FCRL6: variants seen among roughly 807,000 people sequenced by gnomAD.
FCRL6 encodes Fc receptor like 6.
In FCRL6, 50 loss-of-function variants were observed where a neutral mutation model predicts 49.1. The ratio of observed to expected loss-of-function variants is 1.02; its 90% CI spans 0.81 to 1.29. The LOEUF (loss-of-function observed/expected upper bound fraction) is 1.29. Ranked by LOEUF, FCRL6 falls within the 50% of genes most tolerant of loss-of-function variation. The pLI is 0.00. For synonymous variants in FCRL6, 213 were observed against 199.6 expected (o/e 1.07, Z -0.57); for missense variants, 571 against 518.5 (o/e 1.10, Z -0.98).
At chr1:159,808,138 A>T in intron 2 of FCRL6, 40 bp from the exon 3 acceptor site, 1 of 1,577,598 alleles carries the variant, frequency 6.3e-7, no homozygotes, top group Non-Finnish European at 8.6e-7. Flanking sequence ...GACTGATGGG[A>T]CCTGTAGCTC....
chr1:159,815,727 G>T lies in FCRL6; in HGVS notation c.*66G>T. 6.3e-7 allele frequency: 1 copy of T among 1,591,262 alleles called. No individual in the cohort carries two copies. Among genetic ancestry groups the T allele is most frequent in the Non-Finnish European group, 8.6e-7 (1 of 1,166,496 alleles). On this transcript the variant is annotated 3_prime_UTR_variant, in exon 10 of 10. Transcript: ENST00000368106. ...CCAGTGCTCCTCAGGAAGACAGTGG[G>T]GTCCTCAACTCTTTCTGTGGGTCCT...
rs556660998 is a variant in FCRL6, at chr1:159,815,682, C to T, written c.*21C>T. Reference sequence around the variant, plus strand: ...GCTAGTGATGGTGTTCTCCTATCAACACACGCCCACCCCCAGTCTCCAGTG... The same window carrying T: ...GCTAGTGATGGTGTTCTCCTATCAATACACGCCCACCCCCAGTCTCCAGTG... On this transcript the variant is annotated 3_prime_UTR_variant, in exon 10 of 10. Transcript: ENST00000368106. 77 of 1,613,472 alleles carry T rather than the reference C, an allele frequency of 4.8e-5. 1 individual carries two copies. The South Asian group carries it at 8.3e-4, about 17-fold the overall frequency.
At chr1:159,814,518 C>G (rs1209905513) in intron 8 of FCRL6, among the ~76,000 whole-genome samples, 2 of 152,168 alleles carry the variant, frequency 1.3e-5, no homozygotes, top group Non-Finnish European at 2.9e-5. Flanking sequence ...CACCACCTAT[C>G]TCCTCCACTA....
chr1:159,807,129 G>C (rs935553650), intron 2 of FCRL6, among the ~76,000 whole-genome samples: 2 of 152,234 alleles, frequency 1.3e-5, no homozygotes, highest in African/African-American at 4.8e-5. Context: ...CATATTCTGT[G>C]ATTCCAGGGG....
intron 7 of FCRL6, 39 bp downstream of exon 7, chr1:159,813,593 G>C: frequency 6.4e-7 from 1 of 1,560,854 alleles, no homozygotes; most frequent in South Asian, 1.1e-5. Flanking sequence ...GCCCATGTGG[G>C]CCAAAAAGAG....
Position 159,810,086 on chromosome 1 carries a change from G to C in FCRL6, c.887-8G>C. 2 of 1,608,846 alleles carry C rather than the reference G, an allele frequency of 1.2e-6. No homozygotes were observed. Among genetic ancestry groups the C allele is most frequent in the Non-Finnish European group, 8.5e-7 (1 of 1,178,212 alleles). On this transcript the variant is annotated splice_polypyrimidine_tract_variant and splice_region_variant and intron_variant, in intron 5 of 9. Coordinates refer to ENST00000368106, the MANE Select transcript of FCRL6 (RefSeq NM_001004310.3). ...TGCTCATGGCCACCTTCTTCTCCCT[G>C]CTCCCAGGTTCTCAAGTCTTGTTCA...
intron 4 of FCRL6, 25 bp downstream of exon 4, chr1:159,809,270 GC>G (rs1200374591): frequency 2.6e-5 from 39 of 1,528,204 alleles, no homozygotes; most frequent in Non-Finnish European, 3.3e-5. Flanking sequence ...GAGTGGAGAT[GC>G]CCCCAGGGCC....
Position 159,813,508 on chromosome 1 carries a change from A to ACCAC in FCRL6, c.1034_1037dup (p.Ala347HisfsTer22). 6.2e-7 allele frequency: 1 copy of ACCAC among 1,614,052 alleles called. No homozygotes were observed. The highest frequency in any genetic ancestry group is 1.3e-5 in the African/African-American group (1 of 75,030). On this transcript the variant is annotated frameshift_variant, in exon 7 of 10. Coordinates refer to ENST00000368106, the MANE Select transcript of FCRL6 (RefSeq NM_001004310.3). LOFTEE classifies it high-confidence loss of function. The stretch of plus-strand genomic sequence containing the variant: ...TCCTAGGGCCCCTTCCATCCCAGAT[A>ACCAC]CCACCCACAGCTCCAGGTGGAGAGC...
intron 2 of FCRL6, among the ~76,000 whole-genome samples, chr1:159,807,096 T>C (rs1212705136): frequency 6.6e-6 from 1 of 152,220 alleles, no homozygotes. Flanking sequence ...AATTCTGATC[T>C]ATGAAATCTT....
chr1:159,806,493 T>C (rs1052772084), intron 1 of FCRL6, 103 bp from the exon 2 acceptor site: 3 of 1,009,582 alleles, frequency 3.0e-6, no homozygotes, highest in Admixed American at 3.4e-5. Flanking sequence ...GGCCGGGTGG[T>C]TGGTTGAATG....
At chr1:159,809,351 G>A (rs374568406) in intron 4 of FCRL6, 51 bp from the exon 5 acceptor site, 26 of 1,537,388 alleles carry the variant, frequency 1.7e-5, no homozygotes, top group Non-Finnish European at 2.2e-5. Flanking sequence ...AGAGGAGGGA[G>A]CCAGGGTCCT....
chr1:159,801,963 C>T (rs950514856), upstream of FCRL6, among the ~76,000 whole-genome samples: 21 of 152,076 alleles, frequency 1.4e-4, no homozygotes, highest in Non-Finnish European at 2.8e-4. Flanking sequence ...GAGACAGGAG[C>T]TCCTTGGAAG....
At position 159,815,634 on chromosome 1, in the gene FCRL6, T is replaced by A; in HGVS notation, c.1278T>A (p.Leu426=). 6.2e-7 allele frequency: 1 copy of A among 1,614,174 alleles called. No individual in the cohort carries two copies. The highest frequency in any genetic ancestry group is 1.3e-5 in the African/African-American group (1 of 75,046). Residue 426 remains leucine, a synonymous_variant, in exon 10 of 10, where the codon CTT becomes CTA. Coordinates refer to ENST00000368106, the MANE Select transcript of FCRL6 (RefSeq NM_001004310.3). ...GAAGCAGGACTCTCCAAGAACCCCT[T>A]AGCGACTGTGAGGAGGTTCTCTGCT... ...NMRSRTLQEP[L]SDCEEVLC
Position 159,802,388 on chromosome 1 carries a change from T to C in FCRL6, c.-37T>C, listed in dbSNP as rs772345126. On this transcript the variant is annotated 5_prime_UTR_variant, in exon 1 of 10. Coordinates refer to ENST00000368106, the MANE Select transcript of FCRL6 (RefSeq NM_001004310.3). ...TGCCGGCTTCGCCCTGACCTGTTTC[T>C]GACCTGTGTTCCCTCCGCTGTGCCA... 6.8e-6 allele frequency: 11 copies of C among 1,613,122 alleles called. No homozygotes were observed. The highest frequency in any genetic ancestry group is 9.3e-6 in the Non-Finnish European group (11 of 1,179,502).
intron 1 of FCRL6, among the ~76,000 whole-genome samples, chr1:159,803,228 C>G (rs1466669248): frequency 6.6e-6 from 1 of 152,182 alleles, no homozygotes; most frequent in Non-Finnish European, 1.5e-5. Flanking sequence ...CTGGGCTCCC[C>G]CAGACCCAGC....
intron 8 of FCRL6, 22 bp from the exon 9 acceptor site, chr1:159,815,406 T>G: frequency 6.2e-7 from 1 of 1,612,710 alleles, no homozygotes; most frequent in Non-Finnish European, 8.5e-7. Flanking sequence ...AGACCTGACC[T>G]GAGCTCATTC....
intron 3 of FCRL6, 44 bp from the exon 4 acceptor site, chr1:159,808,917 C>T (rs1238396225): frequency 2.0e-6 from 3 of 1,518,846 alleles, no homozygotes; most frequent in Non-Finnish European, 2.6e-6. Flanking sequence ...GGGGCTTCAT[C>T]ATCCAGGACT....
intron 6 of FCRL6, among the ~76,000 whole-genome samples, chr1:159,813,166 G>C (rs758187576): frequency 6.6e-6 from 1 of 152,164 alleles, no homozygotes; most frequent in Non-Finnish European, 1.5e-5. Context: ...GGCATATAGT[G>C]TATGGTCAAA....
intron 1 of FCRL6, among the ~76,000 whole-genome samples, chr1:159,802,979 C>T (rs1334124403): frequency 6.6e-6 from 1 of 152,208 alleles, no homozygotes; most frequent in Non-Finnish European, 1.5e-5. Context: ...GGCCAGACCT[C>T]TCACCTGGTT....
Sources: allele counts gnomAD v4.1 joint callset (sites outside exome capture counted in the v4.1 genomes callset), GRCh38; gene constraint gnomAD v4.1.1; transcripts MANE v1.5; gene names NCBI Gene and HGNC (gene_info 2026-07-23, HGNC 2026-07-21).